Variants in CCDC137 observed in about 807,000 individuals in gnomAD.
CCDC137 encodes coiled-coil domain-containing protein 137.
Under a neutral mutation model 30.4 loss-of-function variants are expected in CCDC137, and 24 were observed. The ratio of observed to expected loss-of-function variants is 0.79; its 90% CI spans 0.57 to 1.11. The LOEUF (loss-of-function observed/expected upper bound fraction) is 1.11, where lower values mean the gene tolerates loss of function less well. Ranked by LOEUF, CCDC137 falls within the 50% of genes least tolerant of loss-of-function variation. CCDC137 has a pLI of 0.00. For missense variants in CCDC137, 417 were observed against 380.4 expected (o/e 1.10, Z -0.80); for synonymous variants, 182 against 155.7 (o/e 1.17, Z -1.26).
In CCDC137 at chr17:81,672,537, G is replaced by A. The variant is rs1376814763; in HGVS notation, c.703G>A (p.Gly235Ser). 20 of 1,568,440 alleles carry A rather than the reference G, an allele frequency of 1.3e-5. No individual in the cohort carries two copies. Among genetic ancestry groups the A allele is most frequent in the Middle Eastern group, 1.7e-4 (1 of 6,034 alleles). ...GATGCTGCGGATGCTTCTGAGCCCC[G>A]GTGGTGTGTCCCAGCCTCTGACCGC... ...SQMLRMLLSP[G>S]GVSQPLTASL... Residue 235 changes from glycine to serine, a missense_variant, in exon 6 of 6, where the codon GGT (glycine) becomes AGT (serine). Physicochemically the swap from Gly to Ser is moderately conservative, Grantham distance 56. Transcript: ENST00000329214.
chr17:81,667,219 A>C (rs898819819), intron 1 of CCDC137, among the ~76,000 whole-genome samples: 1 of 151,976 alleles, frequency 6.6e-6, no homozygotes, highest in Non-Finnish European at 1.5e-5. Context: ...GGGTTCAGGG[A>C]CAGCCACTGA....
intron 3 of CCDC137, chr17:81,671,448 G>A (rs2036718933): frequency 2.5e-6 from 1 of 397,928 alleles, no homozygotes; most frequent in Non-Finnish European, 4.7e-6. Context: ...CGTGCACAAG[G>A]TGCCAGTAGC....
chr17:81,670,241 A>C lies in CCDC137; in HGVS notation c.285A>C (p.Arg95Ser). 1 of 1,613,910 alleles carries C rather than the reference A, an allele frequency of 6.2e-7. No homozygotes were observed. Among genetic ancestry groups the C allele is most frequent in the Non-Finnish European group, 8.5e-7 (1 of 1,179,976 alleles). ...TGTCCTCAGCCCAGGTGACCTTCAG[A>C]AAGACATTGGAGAAGGAAGCAAAGG... is the stretch of plus-strand genomic sequence containing the variant. Reference protein sequence around the residue: ...KRKKAAQVTFRKTLEKEAKGE... With the variant: ...KRKKAAQVTFSKTLEKEAKGE... Residue 95 changes from arginine to serine, a missense_variant, in exon 3 of 6, where the codon AGA becomes AGC. By Grantham distance (110) the Arg-to-Ser change is moderately radical. Coordinates refer to ENST00000329214, the MANE Select transcript of CCDC137 (RefSeq NM_199287.3).
intron 3 of CCDC137, among the ~76,000 whole-genome samples, chr17:81,671,070 T>TG (rs1427711137): frequency 1.3e-5 from 2 of 150,478 alleles, no homozygotes; most frequent in African/African-American, 2.5e-5. Flanking sequence ...AGGCAGAGGT[T>TG]GCAGTGAGCT....
chr17:81,667,708 C>T, intron 1 of CCDC137, 21 bp from the exon 2 acceptor site: 1 of 1,613,022 alleles, frequency 6.2e-7, no homozygotes, highest in Non-Finnish European at 8.5e-7. Context: ...ACGGGTCTCA[C>T]CCCCGTGTTC....
chr17:81,671,177 T>A (rs2036715993), intron 3 of CCDC137, among the ~76,000 whole-genome samples: 1 of 151,920 alleles, frequency 6.6e-6, no homozygotes, highest in Non-Finnish European at 1.5e-5. Flanking sequence ...GAGAGGTTGC[T>A]TTCAGCTCTG....
intron 3 of CCDC137, among the ~76,000 whole-genome samples, chr17:81,670,956 G>C (rs1297003424): frequency 6.6e-6 from 1 of 151,712 alleles, no homozygotes; most frequent in East Asian, 1.9e-4. Context: ...GTGAAACCTT[G>C]TCTCTAATAA....
chr17:81,671,358 G>C (rs1331531038), intron 3 of CCDC137, among the ~76,000 whole-genome samples: 1 of 152,340 alleles, frequency 6.6e-6, no homozygotes, highest in East Asian at 1.9e-4. Context: ...TACAATGCTT[G>C]TTAGGCCCTT....
At chr17:81,670,058 G>A (rs879543828) in intron 2 of CCDC137, 167 bp from the exon 3 acceptor site, 28 of 609,514 alleles carry the variant, frequency 4.6e-5, no homozygotes, top group African/African-American at 1.1e-4. Flanking sequence ...TCACGTCCCC[G>A]GGGATGCCGG....
chr17:81,670,363 T>G lies in CCDC137; in HGVS notation c.407T>G (p.Val136Gly). The G allele has an allele frequency of 6.2e-7, 1 of 1,613,886 alleles. No homozygotes were observed. Among genetic ancestry groups the G allele is most frequent in the East Asian group, 2.2e-5 (1 of 44,878 alleles). ...IHRMQQEAQH[V>G]LFLSKNQAIR... is the part of the protein sequence containing the mutation. ...CGCATGCAGCAAGAGGCCCAGCATG[T>G]GCTGTTCCTCAGCAAGAACCAGGCC... Residue 136 changes from valine to glycine, a missense_variant, in exon 3 of 6, where the codon GTG (valine) becomes GGG (glycine). By Grantham distance (109) the Val-to-Gly change is moderately radical. Transcript: ENST00000329214.
Position 81,670,452 on chromosome 17 carries a change from G to C in CCDC137, c.496G>C (p.Ala166Pro). 1 of 1,612,076 alleles carries C rather than the reference G, an allele frequency of 6.2e-7. No individual in the cohort carries two copies. Among genetic ancestry groups the C allele is most frequent in the Non-Finnish European group, 8.5e-7 (1 of 1,179,412 alleles). ...GTCTGAGCAGAAAAAAGCAAAAAAAGCGTGAGTGGAGGCGGGAGGGGGAGG... is the reference window on the plus strand; with the variant it reads ...GTCTGAGCAGAAAAAAGCAAAAAAACCGTGAGTGGAGGCGGGAGGGGGAGG... ...EKSEQKKAKK[A>P]FQKRRLDKVR... The change falls in exon 3 of 6, where the codon GCG becomes CCG. Residue 166 changes from alanine to proline, a missense_variant and splice_region_variant. Ala to Pro is a conservative substitution (Grantham distance 27). Transcript: ENST00000329214.
intron 3 of CCDC137, 147 bp downstream of exon 3, chr17:81,670,600 G>C (rs1051333708): frequency 5.8e-6 from 4 of 692,476 alleles, no homozygotes; most frequent in African/African-American, 3.6e-5. Context: ...CTGGGAGTTG[G>C]CGAGTCGGAG....
intron 5 of CCDC137, 151 bp downstream of exon 5, chr17:81,672,306 C>G (rs1195953446): frequency 3.2e-6 from 3 of 943,930 alleles, no homozygotes. Flanking sequence ...GGAGTTGATA[C>G]CAGCCTGGAC....
rs962080895 is a variant in CCDC137, at chr17:81,672,975, AG to A, written c.*273del. 5 of 514,564 alleles carry A rather than the reference AG, an allele frequency of 9.7e-6. No homozygotes were observed. Among genetic ancestry groups the A allele is most frequent in the Non-Finnish European group, 1.4e-5 (4 of 288,570 alleles). 31.9% of individuals were successfully genotyped at this position (514,564 alleles called of 1,614,324 possible). On this transcript the variant is annotated 3_prime_UTR_variant, in exon 6 of 6. Coordinates refer to ENST00000329214, the MANE Select transcript of CCDC137 (RefSeq NM_199287.3). ...GAACGTCCATTCTGAGTCTCAGCCC[AG>A]GTGGACCTTAGGAAGGGCTGGATCC...
At chr17:81,672,299 G>T in intron 5 of CCDC137, 144 bp downstream of exon 5, 1 of 967,008 alleles carries the variant, frequency 1.0e-6, no homozygotes, top group South Asian at 1.5e-5. Flanking sequence ...GAGCCCAGGA[G>T]TTGATACCAG....
Position 81,666,782 on chromosome 17 carries a change from C to G in CCDC137, c.16C>G (p.Arg6Gly). Residue 6 changes from arginine to glycine, a missense_variant, in exon 1 of 6, where the codon CGC (arginine) becomes GGC (glycine). Arg to Gly is a moderately radical substitution (Grantham distance 125). Transcript: ENST00000329214. The stretch of plus-strand genomic sequence containing the variant: ...CGGCGTGGAGATGGCGGGAGCTGGT[C>G]GCGGAGCAGCGGTGTCCAGGGTGCA... The part of the protein sequence containing the change: MAGAG[R>G]GAAVSRVQAG... 4 of 1,467,524 alleles carry G rather than the reference C, an allele frequency of 2.7e-6. No individual in the cohort carries two copies. The highest frequency in any genetic ancestry group is 1.4e-5 in the South Asian group (1 of 72,124). The allele number at this position is 1,467,524 out of a possible 1,614,324, so 90.9% of individuals were successfully genotyped here.
In CCDC137 at chr17:81,672,676, C is replaced by G. The variant is rs1241073009; in HGVS notation, c.842C>G (p.Ser281Cys). The change falls in exon 6 of 6, where the codon TCC becomes TGC. Residue 281 changes from serine to cysteine, a missense_variant. Coordinates refer to ENST00000329214, the MANE Select transcript of CCDC137 (RefSeq NM_199287.3). Reference protein sequence around the residue: ...QLHGERPHLTSRKKPEPQL With the variant: ...QLHGERPHLTCRKKPEPQL ...CACGGGGAGCGACCCCACCTCACTT[C>G]CCGGAAGAAGCCAGAGCCGCAGCTG... 3.8e-6 allele frequency: 6 copies of G among 1,599,026 alleles called. No individual in the cohort carries two copies. The highest frequency in any genetic ancestry group is 5.1e-6 in the Non-Finnish European group (6 of 1,173,880).
rs1265634510 is a variant in CCDC137, at chr17:81,672,572, C to T, written c.738C>T (p.Ala246=). The change falls in exon 6 of 6, where the codon GCC becomes GCT. Residue 246 remains alanine (A), a synonymous_variant. Transcript: ENST00000329214. ...GVSQPLTASL[A]RQRIVEEERE... ...CCCAGCCTCTGACCGCCTCCCTGGC[C>T]CGCCAGCGGATTGTGGAGGAGGAGA... The T allele has an allele frequency of 6.3e-7, 1 of 1,577,678 alleles. No individual in the cohort carries two copies. The highest frequency in any genetic ancestry group is 8.6e-7 in the Non-Finnish European group (1 of 1,162,196).
rs1367315210 is a variant in CCDC137, at chr17:81,670,290, C to G, written c.334C>G (p.Pro112Ala). The change falls in exon 3 of 6, where the codon CCC becomes GCC. Residue 112 changes from proline to alanine, a missense_variant. Pro to Ala is a conservative substitution (Grantham distance 27, BLOSUM62 -1). Coordinates refer to ENST00000329214, the MANE Select transcript of CCDC137 (RefSeq NM_199287.3). ...AKGEEPDIAV[P>A]KFKQRKGESD... ...GGGAGAGGAGCCCGACATCGCAGTC[C>G]CCAAGTTCAAACAGAGGAAGGGGGA... is the stretch of plus-strand genomic sequence containing the variant. 6.2e-7 allele frequency: 1 copy of G among 1,613,902 alleles called. No homozygotes were observed. The highest frequency in any genetic ancestry group is 2.2e-5 in the East Asian group (1 of 44,900).
Sources: gnomAD v4.1 joint callset for allele counts (sites outside exome capture counted in the v4.1 genomes callset) on GRCh38, gnomAD v4.1.1 for gene constraint, MANE v1.5 for transcripts, NCBI Gene and HGNC (gene_info 2026-07-23, HGNC 2026-07-21) for gene names.